The following SLC2A9 variants were observed in gnomAD, a reference collection of about 807,000 sequenced individuals.
SLC2A9 encodes the protein solute carrier family 2 member 9.
Under a neutral mutation model 50.6 loss-of-function variants are expected in SLC2A9, and 39 were observed. The ratio of observed to expected loss-of-function variants is 0.77; its 90% CI spans 0.60 to 1.01. The LOEUF is 1.01. SLC2A9 is among the 50% of genes least tolerant of loss of function. The pLI, the probability that SLC2A9 is intolerant of heterozygous loss-of-function variation, is 0.00. For synonymous variants in SLC2A9, 324 were observed against 276.9 expected (o/e 1.17, Z -1.69); for missense variants, 686 against 677.6 (o/e 1.01, Z -0.14).
intron 10 of SLC2A9, chr4:9,880,332 A>G: frequency 2.0e-6 from 2 of 985,540 alleles, no homozygotes; most frequent in Non-Finnish European, 2.4e-6. Context: ...GGGGTTGAAG[A>G]TGGATTGAGG....
intron 8 of SLC2A9, among the ~76,000 whole-genome samples, chr4:9,891,833 T>C (rs1737504377): frequency 6.6e-6 from 1 of 152,200 alleles, no homozygotes; most frequent in Non-Finnish European, 1.5e-5. Flanking sequence ...TGGGGCTGGA[T>C]GGTCCCCATC....
chr4:10,022,888 T>C (rs1377808339), upstream of SLC2A9, among the ~76,000 whole-genome samples: 2 of 152,094 alleles, frequency 1.3e-5, no homozygotes, highest in African/African-American at 4.8e-5. Context: ...AGGTTGGGGA[T>C]GTATTGAGCA....
At chr4:9,892,007 C>A (rs1215120421) in intron 8 of SLC2A9, among the ~76,000 whole-genome samples, 1 of 152,240 alleles carries the variant, frequency 6.6e-6, no homozygotes, top group Non-Finnish European at 1.5e-5. Context: ...GGTTTCTCCA[C>A]AATGGAACCC....
chr4:9,939,858 G>A (rs1041780422), intron 6 of SLC2A9, among the ~76,000 whole-genome samples: 1 of 152,082 alleles, frequency 6.6e-6, no homozygotes, highest in Non-Finnish European at 1.5e-5. Context: ...TCCATTGCTT[G>A]CTGAATGTCT....
chr4:9,778,130 C>T (rs528525966), downstream of SLC2A9, among the ~76,000 whole-genome samples: 24 of 149,166 alleles, frequency 1.6e-4, no homozygotes, highest in Admixed American at 6.0e-4. Flanking sequence ...CCGCCTCCCC[C>T]GAGTCTTGCT....
intron 3 of SLC2A9, chr4:9,782,865 C>A: frequency 1.2e-6 from 2 of 1,612,264 alleles, no homozygotes; most frequent in Non-Finnish European, 8.5e-7. Flanking sequence ...GCAGCCTGCG[C>A]GCCCGACACC....
chr4:9,981,628 T>C (rs555902104), intron 4 of SLC2A9, among the ~76,000 whole-genome samples: 1 of 152,188 alleles, frequency 6.6e-6, no homozygotes, highest in Non-Finnish European at 1.5e-5. Flanking sequence ...TCTTAGAACT[T>C]GCACTTTTCC....
intron 6 of SLC2A9, among the ~76,000 whole-genome samples, chr4:9,922,637 C>T (rs1328731790): frequency 6.6e-6 from 1 of 152,168 alleles, no homozygotes; most frequent in African/African-American, 2.4e-5. Flanking sequence ...CAGTGGGGGA[C>T]CTCCTGCAAT....
intron 10 of SLC2A9, among the ~76,000 whole-genome samples, chr4:9,843,523 T>G (rs1256906188): frequency 1.3e-5 from 2 of 151,994 alleles, no homozygotes; most frequent in Non-Finnish European, 2.9e-5. Flanking sequence ...GGTCTGATAC[T>G]ATAGTTTGGA....
intron 8 of SLC2A9, among the ~76,000 whole-genome samples, chr4:9,900,850 A>G (rs1228758847): frequency 6.6e-6 from 1 of 151,996 alleles, no homozygotes; most frequent in East Asian, 1.9e-4. Context: ...TCTCATGAGA[A>G]CTCACTCACT....
intron 6 of SLC2A9, among the ~76,000 whole-genome samples, chr4:9,923,601 GAA>G (rs898066524): frequency 5.1e-4 from 77 of 152,200 alleles, no homozygotes; most frequent in African/African-American, 1.7e-3. Context: ...CCCAGAGAGA[GAA>G]AGAGTTAAGC....
At chr4:10,019,401 C>G (rs951573794) in intron 1 of SLC2A9, 1 of 416,850 alleles carries the variant, frequency 2.4e-6, no homozygotes, top group African/African-American at 2.0e-5. Flanking sequence ...GGCGAGTGTC[C>G]GACCCAGACA....
intron 8 of SLC2A9, among the ~76,000 whole-genome samples, chr4:9,902,581 T>C (rs979590758): frequency 2.6e-5 from 4 of 152,156 alleles, no homozygotes; most frequent in African/African-American, 9.7e-5. Flanking sequence ...AAGATCAAAG[T>C]GTCTGCAGGG....
At chr4:9,897,081 A>G (rs1577760096) in intron 8 of SLC2A9, among the ~76,000 whole-genome samples, 2 of 152,154 alleles carry the variant, frequency 1.3e-5, no homozygotes, top group East Asian at 3.8e-4. Flanking sequence ...TGAGGCTCAG[A>G]GAGGTTTAGC....
At chr4:9,919,628 C>G (rs1173731346) in intron 7 of SLC2A9, among the ~76,000 whole-genome samples, 1 of 152,144 alleles carries the variant, frequency 6.6e-6, no homozygotes, top group African/African-American at 2.4e-5. Context: ...AGTCTCCTCC[C>G]AAGTGACATG....
chr4:9,835,331 C>A (rs1249141854), intron 10 of SLC2A9, among the ~76,000 whole-genome samples: 1 of 152,200 alleles, frequency 6.6e-6, no homozygotes, highest in South Asian at 2.1e-4. Context: ...TTCCTTTCCT[C>A]CATATCCTGT....
intron 5 of SLC2A9, among the ~76,000 whole-genome samples, chr4:9,951,737 A>G (rs4560411): frequency 0.48 from 73,186 of 151,958 alleles, 18,999 homozygotes; most frequent in African/African-American, 0.67. Flanking sequence ...GATGTGAGAA[A>G]TCAAATTTTA....
chr4:9,912,735 C>A (rs1341742557), intron 7 of SLC2A9, among the ~76,000 whole-genome samples: 1 of 152,166 alleles, frequency 6.6e-6, no homozygotes, highest in Non-Finnish European at 1.5e-5. Flanking sequence ...ACAACAGCCC[C>A]CCGCTCTCAA....
intron 7 of SLC2A9, among the ~76,000 whole-genome samples, chr4:9,918,653 T>G (rs1185408658): frequency 6.6e-6 from 1 of 152,200 alleles, no homozygotes; most frequent in Non-Finnish European, 1.5e-5. Context: ...CTCTGAGTGC[T>G]ACATGCATGT....
Sources: gnomAD v4.1 joint callset for allele counts (sites outside exome capture counted in the v4.1 genomes callset) on GRCh38, gnomAD v4.1.1 for gene constraint, MANE v1.5 for transcripts, NCBI Gene and HGNC (gene_info 2026-07-23, HGNC 2026-07-21) for gene names.